PLEKHA7: variants seen among roughly 807,000 people sequenced by gnomAD.
PLEKHA7 encodes pleckstrin homology domain containing A7, also known as pleckstrin homology domain-containing family A member 7.
In PLEKHA7, 104 loss-of-function variants were observed where a neutral mutation model predicts 170.0. That is an observed-to-expected ratio of 0.61 (90% CI 0.52 to 0.72). PLEKHA7 has a LOEUF of 0.72. PLEKHA7 is among the 30% of genes least tolerant of loss of function. PLEKHA7 has a pLI of 0.00. For missense variants in PLEKHA7, 1,615 were observed against 1,671.7 expected, an observed-to-expected ratio of 0.97 and a Z score of 0.59; for synonymous variants, 648 against 660.8, an observed-to-expected ratio of 0.98 and a Z score of 0.30.
chr11:16,779,980 A>AGGGGGG (rs11359003), intron 26 of PLEKHA7, among the ~76,000 whole-genome samples: 1 of 136,232 alleles, frequency 7.3e-6, no homozygotes, highest in African/African-American at 3.0e-5. Flanking sequence ...TAAAACGGGG[A>AGGGGGG]GGGGGGGGGG....
intron 3 of PLEKHA7, among the ~76,000 whole-genome samples, chr11:16,927,679 T>C (rs1413533221): frequency 6.6e-6 from 1 of 152,226 alleles, no homozygotes; most frequent in Non-Finnish European, 1.5e-5. Context: ...TTGGGGACAA[T>C]TTGGCAATAT....
At chr11:16,873,610 C>T (rs1447018282) in intron 3 of PLEKHA7, among the ~76,000 whole-genome samples, 1 of 152,218 alleles carries the variant, frequency 6.6e-6, no homozygotes, top group East Asian at 1.9e-4. Flanking sequence ...GCATTCTTAA[C>T]ACATGTTTTA....
chr11:16,871,913 T>C (rs928836290), intron 3 of PLEKHA7, among the ~76,000 whole-genome samples: 2 of 151,902 alleles, frequency 1.3e-5, no homozygotes, highest in African/African-American at 4.8e-5. Context: ...CTAACCCTCC[T>C]CTTTTAAAAA....
intron 23 of PLEKHA7, chr11:16,788,438 A>G (rs1447736366): frequency 1.3e-5 from 2 of 152,898 alleles, no homozygotes; most frequent in Admixed American, 1.3e-4. Context: ...GAATTAGGGA[A>G]AGAACAATCA....
intron 3 of PLEKHA7, among the ~76,000 whole-genome samples, chr11:16,871,523 C>T (rs1175741307): frequency 1.3e-5 from 2 of 152,126 alleles, no homozygotes; most frequent in South Asian, 2.1e-4. Context: ...TAAGACAGTA[C>T]GAGCTAAAAC....
chr11:16,943,074 C>T (rs1217973576), intron 3 of PLEKHA7, among the ~76,000 whole-genome samples: 3 of 152,184 alleles, frequency 2.0e-5, no homozygotes, highest in African/African-American at 7.2e-5. Flanking sequence ...ACTCCCAAAG[C>T]TAACCTAACA....
At chr11:16,803,399 T>C (rs1437643581) in intron 13 of PLEKHA7, 104 bp from the exon 14 acceptor site, 3 of 1,203,716 alleles carry the variant, frequency 2.5e-6, no homozygotes, top group Non-Finnish European at 3.6e-6. Context: ...TCCTTGGCAG[T>C]GGCAGGTAGG....
intron 3 of PLEKHA7, among the ~76,000 whole-genome samples, chr11:16,961,558 G>A (rs1324128464): frequency 6.6e-6 from 1 of 152,208 alleles, no homozygotes; most frequent in Non-Finnish European, 1.5e-5. Flanking sequence ...GCTGTGCCTG[G>A]AGGGTGACAT....
intron 12 of PLEKHA7, among the ~76,000 whole-genome samples, chr11:16,814,475 G>A (rs1213255370): frequency 6.6e-6 from 1 of 152,180 alleles, no homozygotes; most frequent in Non-Finnish European, 1.5e-5. Flanking sequence ...CAACCCCAGG[G>A]AGGGATCCTT....
intron 3 of PLEKHA7, among the ~76,000 whole-genome samples, chr11:16,894,318 C>G (rs941028223): frequency 1.3e-5 from 2 of 152,184 alleles, no homozygotes; most frequent in Non-Finnish European, 2.9e-5. Context: ...CTTCAATTTC[C>G]TAATGATGCC....
At chr11:16,782,391 T>C (rs141624118) in intron 26 of PLEKHA7, among the ~76,000 whole-genome samples, 2 of 152,260 alleles carry the variant, frequency 1.3e-5, no homozygotes, top group East Asian at 3.9e-4. Flanking sequence ...CCTGCCCCCT[T>C]CTTCATGAGG....
chr11:16,863,142 C>T (rs1441210968), intron 4 of PLEKHA7, among the ~76,000 whole-genome samples: 2 of 152,150 alleles, frequency 1.3e-5, no homozygotes, highest in African/African-American at 4.8e-5. Context: ...ACCCCGCCCC[C>T]GAACCCATAA....
chr11:16,911,093 C>A (rs1335443639), intron 3 of PLEKHA7, among the ~76,000 whole-genome samples: 1 of 152,234 alleles, frequency 6.6e-6, no homozygotes, highest in Non-Finnish European at 1.5e-5. Flanking sequence ...GCATTTTTAA[C>A]AAGCACCCAA....
At chr11:16,926,800 C>T (rs1590638373) in intron 3 of PLEKHA7, among the ~76,000 whole-genome samples, 1 of 152,194 alleles carries the variant, frequency 6.6e-6, no homozygotes, top group African/African-American at 2.4e-5. Flanking sequence ...CATAGGGTGG[C>T]TCCCAGGCCC....
intron 3 of PLEKHA7, among the ~76,000 whole-genome samples, chr11:16,949,581 C>T (rs1276561006): frequency 6.6e-6 from 1 of 152,170 alleles, no homozygotes; most frequent in East Asian, 1.9e-4. Flanking sequence ...AAGCAATTAA[C>T]TTATAACAAA....
At position 16,929,199 on chromosome 11, in the gene PLEKHA7, G is replaced by A. The variant is rs556556213; in HGVS notation, c.222-58017C>T. The stretch of plus-strand genomic sequence containing the variant: ...CTCTGCAAGCTTTGATACGGCCCCA[G>A]TTGGTGCCCCAACACCCAAGGACAG... On this transcript the variant is annotated intron_variant, in intron 3 of 26. Transcript: ENST00000531066. 7.2e-5 allele frequency among the ~76,000 whole-genome samples: 11 copies of A among 152,270 alleles called. 1 individual carries two copies. Among genetic ancestry groups the A allele is most frequent in the Admixed American group, 7.2e-4 (11 of 15,294 alleles).
intron 3 of PLEKHA7, among the ~76,000 whole-genome samples, chr11:17,011,068 A>G (rs1192231329): frequency 4.6e-5 from 7 of 152,214 alleles, no homozygotes; most frequent in African/African-American, 1.4e-4. Flanking sequence ...TAGGAAAATC[A>G]TTAGGGACCT....
At chr11:16,802,559 T>C (rs79333248) in intron 15 of PLEKHA7, among the ~76,000 whole-genome samples, 3 of 150,168 alleles carry the variant, frequency 2.0e-5, no homozygotes, top group Non-Finnish European at 4.5e-5. Context: ...TTTTTTTTTT[T>C]CCTCCTGAGA....
intron 4 of PLEKHA7, among the ~76,000 whole-genome samples, chr11:16,858,345 C>A (rs1853643383): frequency 6.6e-6 from 1 of 152,196 alleles, no homozygotes; most frequent in Non-Finnish European, 1.5e-5. Context: ...AACATCATTT[C>A]AAATAACTGC....
Sources: gnomAD v4.1 joint callset for allele counts (sites outside exome capture counted in the v4.1 genomes callset) on GRCh38, gnomAD v4.1.1 for gene constraint, MANE v1.5 for transcripts, NCBI Gene and HGNC (gene_info 2026-07-23, HGNC 2026-07-21) for gene names.